Variants in DNAJC15 observed in about 807,000 individuals in gnomAD.
The protein encoded by DNAJC15 is dnaJ homolog subfamily C member 15.
DNAJC15 carries 27 observed loss-of-function variants against 22.4 expected under a neutral mutation model. The ratio of observed to expected loss-of-function variants is 1.20; its 90% CI spans 0.89 to 1.66. The LOEUF is 1.66. DNAJC15 is among the 40% of genes most tolerant of loss of function. The probability of loss-of-function intolerance (pLI) is 0.00; values close to 1 mark genes in which losing one functional copy is unlikely to be tolerated. For synonymous variants in DNAJC15, 79 were observed against 63.2 expected (o/e 1.25, Z -1.19); for missense variants, 208 against 187.1 (o/e 1.11, Z -0.65).
At chr13:43,078,973 C>CT (rs1245181149) in intron 4 of DNAJC15, 1 of 201,786 alleles carries the variant, frequency 5.0e-6, no homozygotes, top group Non-Finnish European at 1.0e-5. Flanking sequence ...CCAAAATATC[C>CT]TTTTTTGTGA....
chr13:43,077,594 A>G (rs1170687039), intron 3 of DNAJC15, among the ~76,000 whole-genome samples: 4 of 152,162 alleles, frequency 2.6e-5, no homozygotes, highest in South Asian at 4.1e-4. Flanking sequence ...CAGTCAGTAG[A>G]TACAGGCTGC....
At chr13:43,040,018 CAAAAG>C (rs1220724629) in intron 1 of DNAJC15, among the ~76,000 whole-genome samples, 1 of 137,632 alleles carries the variant, frequency 7.3e-6, no homozygotes, top group East Asian at 2.1e-4. Flanking sequence ...GACTCTGTCT[CAAAAG>C]AGAGAGAGAG....
chr13:43,105,565 T>C (rs986852259), intron 5 of DNAJC15, among the ~76,000 whole-genome samples: 4 of 152,234 alleles, frequency 2.6e-5, no homozygotes, highest in African/African-American at 9.6e-5. Flanking sequence ...GTCATTTTTT[T>C]CCTCTAACAT....
chr13:43,051,755 A>G (rs1202065286), intron 1 of DNAJC15, among the ~76,000 whole-genome samples: 1 of 152,066 alleles, frequency 6.6e-6, no homozygotes, highest in Non-Finnish European at 1.5e-5. Context: ...ATAAACATGC[A>G]TGTGCAGTAT....
intron 5 of DNAJC15, among the ~76,000 whole-genome samples, chr13:43,096,131 A>G (rs2040738510): frequency 6.6e-6 from 1 of 152,172 alleles, no homozygotes; most frequent in Non-Finnish European, 1.5e-5. Context: ...TTTTGGGGGA[A>G]ATAAATGTAA....
chr13:43,074,729 T>A (rs1240588818), intron 3 of DNAJC15, among the ~76,000 whole-genome samples: 1 of 152,230 alleles, frequency 6.6e-6, no homozygotes, highest in Non-Finnish European at 1.5e-5. Context: ...AGTTTTGTTC[T>A]ATTTAAAGTT....
At chr13:43,060,449 A>G (rs531667131) in intron 1 of DNAJC15, among the ~76,000 whole-genome samples, 32 of 152,330 alleles carry the variant, frequency 2.1e-4, no homozygotes, top group African/African-American at 6.7e-4. Context: ...GGGAGTATCC[A>G]GGACATCCAA....
At chr13:43,034,040 A>G in intron 1 of DNAJC15, among the ~76,000 whole-genome samples, 1 of 151,706 alleles carries the variant, frequency 6.6e-6, no homozygotes, top group Admixed American at 6.6e-5. Context: ...AAAAAAAAAA[A>G]AAAAGAAAAT....
chr13:43,057,230 G>A (rs1019347387), intron 1 of DNAJC15, among the ~76,000 whole-genome samples: 3 of 152,018 alleles, frequency 2.0e-5, no homozygotes, highest in Non-Finnish European at 2.9e-5. Context: ...CTTCTTTGTC[G>A]GGGACACCAG....
chr13:43,054,116 G>A (rs1427477769), intron 1 of DNAJC15, among the ~76,000 whole-genome samples: 3 of 151,636 alleles, frequency 2.0e-5, no homozygotes, highest in Admixed American at 1.3e-4. Flanking sequence ...AATCATGATG[G>A]AATGCTGGAT....
In DNAJC15 at chr13:43,112,758, G is replaced by A. The variant is rs974266302; in HGVS notation, c.*5510G>A. The A allele has an allele frequency of 6.6e-6, 1 of 152,108 alleles. No homozygotes were observed. Among genetic ancestry groups the A allele is most frequent in the African/African-American group, 2.4e-5 (1 of 41,420 alleles). 9.4% of individuals were successfully genotyped at this position (152,108 alleles called of 1,614,324 possible). ...AAGATTACATAGCCAGTAAGTGGTG[G>A]CACTAGGAACCAAATTCAGACTCTG... On this transcript the variant is annotated 3_prime_UTR_variant, in exon 6 of 6. Coordinates refer to ENST00000379221, the MANE Select transcript of DNAJC15 (RefSeq NM_013238.3).
At chr13:43,087,012 T>C (rs1399854577) in intron 5 of DNAJC15, among the ~76,000 whole-genome samples, 2 of 152,184 alleles carry the variant, frequency 1.3e-5, no homozygotes, top group East Asian at 3.8e-4. Context: ...GAAAACTCCC[T>C]TAACTCCAAA....
intron 5 of DNAJC15, among the ~76,000 whole-genome samples, chr13:43,095,228 A>G (rs1362449519): frequency 6.6e-6 from 1 of 152,202 alleles, no homozygotes; most frequent in Non-Finnish European, 1.5e-5. Context: ...CAAGAAAGTG[A>G]ATTTGAGATA....
At chr13:43,106,026 C>T (rs17064179) in intron 5 of DNAJC15, among the ~76,000 whole-genome samples, 2,548 of 152,230 alleles carry the variant, frequency 0.017, 79 homozygotes, top group East Asian at 0.1. Context: ...TAGCTTTCTC[C>T]AGCATTACCC....
At chr13:43,097,360 A>C (rs551358192) in intron 5 of DNAJC15, among the ~76,000 whole-genome samples, 1 of 152,356 alleles carries the variant, frequency 6.6e-6, no homozygotes, top group Non-Finnish European at 1.5e-5. Flanking sequence ...GCTGGAGCAT[A>C]GGAAGCAAAA....
chr13:43,026,884 C>T (rs9567098), intron 1 of DNAJC15, among the ~76,000 whole-genome samples: 40,011 of 151,864 alleles, frequency 0.26, 5,658 homozygotes, highest in South Asian at 0.41. Flanking sequence ...AAAGAAAAAT[C>T]AAAAAGAAAT....
At chr13:43,095,559 T>C (rs899327014) in intron 5 of DNAJC15, among the ~76,000 whole-genome samples, 3 of 151,982 alleles carry the variant, frequency 2.0e-5, no homozygotes, top group African/African-American at 7.2e-5. Flanking sequence ...TAAGAGGTCA[T>C]GGAAAGTGAA....
chr13:43,061,051 T>C (rs2040556551), intron 1 of DNAJC15, among the ~76,000 whole-genome samples: 1 of 152,196 alleles, frequency 6.6e-6, no homozygotes, highest in Admixed American at 6.5e-5. Flanking sequence ...GATGGAATGC[T>C]GAGAAGTGAT....
chr13:43,099,772 T>C (rs9533388), intron 5 of DNAJC15, among the ~76,000 whole-genome samples: 38,495 of 152,016 alleles, frequency 0.25, 5,163 homozygotes, highest in Non-Finnish European at 0.31. Context: ...CTTGGTTGGT[T>C]GTGGTTTATA....
Sources: gnomAD v4.1 joint callset for allele counts (sites outside exome capture counted in the v4.1 genomes callset) on GRCh38, gnomAD v4.1.1 for gene constraint, MANE v1.5 for transcripts, NCBI Gene and HGNC (gene_info 2026-07-23, HGNC 2026-07-21) for gene names.